The following RHOT2 variants were observed in gnomAD, a reference collection of about 807,000 sequenced individuals.
RHOT2 encodes the protein mitochondrial Rho GTPase 2.
Under a neutral mutation model 81.6 loss-of-function variants are expected in RHOT2, and 90 were observed. That is an observed-to-expected ratio of 1.10 (90% CI 0.93 to 1.31). The LOEUF is 1.31. RHOT2 is among the 40% of genes most tolerant of loss of function. The pLI is 0.00. For missense variants in RHOT2, 1,014 were observed against 841.9 expected, an observed-to-expected ratio of 1.20 and a Z score of -2.53; for synonymous variants, 512 against 370.9, an observed-to-expected ratio of 1.38 and a Z score of -4.37.
Position 671,798 on chromosome 16 carries a change from TC to T in RHOT2, c.954+21del. On this transcript the variant is annotated intron_variant, in intron 12 of 18. Coordinates refer to ENST00000315082, the MANE Select transcript of RHOT2 (RefSeq NM_138769.3). ...CACGACCAGGTGAGAGCATGGCGAG[TC>T]CCCTGCCCCTGCCCCCGCCCCCTCC... 6.4e-7 allele frequency: 1 copy of T among 1,562,412 alleles called. No homozygotes were observed. The highest frequency in any genetic ancestry group is 8.7e-7 in the Non-Finnish European group (1 of 1,148,316).
chr16:672,764 C>T lies in RHOT2; in HGVS notation c.1466C>T (p.Ala489Val), dbSNP rs1410833381. Reference sequence around the variant, plus strand: ...TCGCTGGACGCCACCTGTGACGTTGCCTGCTTGATGTTTGATGGCAGTGAC... The same window carrying T: ...TCGCTGGACGCCACCTGTGACGTTGTCTGCTTGATGTTTGATGGCAGTGAC... Reference protein sequence around the residue: ...ATSLDATCDVACLMFDGSDPK... With the variant: ...ATSLDATCDVVCLMFDGSDPK... Residue 489 changes from alanine (A) to valine (V), a missense_variant, in exon 17 of 19, where the codon GCC becomes GTC. Ala to Val is a moderately conservative substitution (Grantham distance 64). Transcript: ENST00000315082. The T allele has an allele frequency of 5.0e-6, 8 of 1,612,582 alleles. No homozygotes were observed. The highest frequency in any genetic ancestry group is 6.8e-6 in the Non-Finnish European group (8 of 1,179,994).
Position 671,220 on chromosome 16 carries a change from C to T in RHOT2, c.869+17C>T, listed in dbSNP as rs920833324. 1 of 1,531,556 alleles carries T rather than the reference C, an allele frequency of 6.5e-7. No individual in the cohort carries two copies. The highest frequency in any genetic ancestry group is 8.8e-7 in the Non-Finnish European group (1 of 1,138,388). 94.9% of individuals were successfully genotyped at this position (1,531,556 alleles called of 1,614,324 possible). On this transcript the variant is annotated intron_variant, in intron 11 of 18. Coordinates refer to ENST00000315082, the MANE Select transcript of RHOT2 (RefSeq NM_138769.3). The stretch of plus-strand genomic sequence containing the variant: ...CTCCCCTCTGTGAGTGATGCCGGGG[C>T]TTGAGGCCTGCCCTCCCCGAGGGTC...
At position 673,960 on chromosome 16, in the gene RHOT2, C is replaced by A. The variant is rs1055938825; in HGVS notation, c.*354C>A. 3 of 498,470 alleles carry A rather than the reference C, an allele frequency of 6.0e-6. No individual in the cohort carries two copies. Among genetic ancestry groups the A allele is most frequent in the South Asian group, 3.2e-5 (2 of 62,796 alleles). 30.9% of individuals were successfully genotyped at this position (498,470 alleles called of 1,614,324 possible). The stretch of plus-strand genomic sequence containing the variant: ...CCCAGAATTCTCAGGGCTCTACCCC[C>A]CTTTCCTGGTCCTAGGTGGCCAGTG... On this transcript the variant is annotated 3_prime_UTR_variant, in exon 19 of 19. Transcript: ENST00000315082.
chr16:671,673 A>G (rs2038957245), intron 11 of RHOT2, 24 bp from the exon 12 acceptor site: 1 of 1,606,256 alleles, frequency 6.2e-7, no homozygotes, highest in Non-Finnish European at 8.5e-7. Context: ...CCTGGGAGCT[A>G]GACGGGCTGT....
Position 670,413 on chromosome 16 carries a change from C to T in RHOT2, c.439-43C>T, listed in dbSNP as rs777183585. On this transcript the variant is annotated intron_variant, in intron 7 of 18. Transcript: ENST00000315082. ...TCATTCCTTGTGTTCTCAGTCGGTG[C>T]CCTCCTCGGGGCACTTCCCTGAGGC... 3.7e-6 allele frequency: 6 copies of T among 1,607,520 alleles called. No individual in the cohort carries two copies. In the African/African-American group the frequency reaches 5.3e-5, roughly 14 times the overall value.
At chr16:671,805 C>CCCCCGG in intron 12 of RHOT2, 24 bp downstream of exon 12, 1 of 1,267,792 alleles carries the variant, frequency 7.9e-7, no homozygotes, top group East Asian at 2.5e-5. Flanking sequence ...GAGTCCCCTG[C>CCCCCGG]CCCTGCCCCC....
chr16:672,882 C>T (rs1596527765), intron 17 of RHOT2, 46 bp from the exon 18 acceptor site: 1 of 1,612,476 alleles, frequency 6.2e-7, no homozygotes, highest in Non-Finnish European at 8.5e-7. Context: ...TCCAGCTGTG[C>T]CTCGGCCACC....
At position 673,473 on chromosome 16, in the gene RHOT2, C is replaced by A. The variant is rs756868760; in HGVS notation, c.1731-7C>A. The A allele has an allele frequency of 5.6e-6, 9 of 1,612,550 alleles. No homozygotes were observed. Among genetic ancestry groups the A allele is most frequent in the Non-Finnish European group, 7.6e-6 (9 of 1,179,932 alleles). ...AGGTATCTGCAGATGATTCTTCTCT[C>A]TTGCAGACATTTGGTCCACGCAGAG... On this transcript the variant is annotated splice_region_variant and splice_polypyrimidine_tract_variant and intron_variant, in intron 18 of 18. Coordinates refer to ENST00000315082, the MANE Select transcript of RHOT2 (RefSeq NM_138769.3).
rs1426118760 is a variant in RHOT2 at position 673,944 on chromosome 16, C to T, written c.*338C>T. 6 of 528,006 alleles carry T rather than the reference C, an allele frequency of 1.1e-5. No individual in the cohort carries two copies. The highest frequency in any genetic ancestry group is 6.2e-5 in the South Asian group (4 of 64,158). The allele number at this position is 528,006 out of a possible 1,614,324, so 32.7% of individuals were successfully genotyped here. A position where few individuals can be genotyped will look rare whatever the true frequency, so the allele number is the denominator to read the frequency against. On this transcript the variant is annotated 3_prime_UTR_variant, in exon 19 of 19. Transcript: ENST00000315082. ...AGCTGGTGACCCCAGACCCAGAATTCTCAGGGCTCTACCCCCCTTTCCTGG... is the reference window on the plus strand; with the variant it reads ...AGCTGGTGACCCCAGACCCAGAATTTTCAGGGCTCTACCCCCCTTTCCTGG...
chr16:669,849 C>T (rs1422276793), intron 5 of RHOT2: 1 of 617,878 alleles, frequency 1.6e-6, no homozygotes, highest in Non-Finnish European at 2.8e-6. Flanking sequence ...AGTTTCCAAA[C>T]CCCCGGGGGG....
intron 11 of RHOT2, 62 bp downstream of exon 11, chr16:671,265 T>C: frequency 6.6e-7 from 1 of 1,504,592 alleles, no homozygotes; most frequent in Admixed American, 2.2e-5. Context: ...CTGCCGACTA[T>C]CTCTCCCCTC....
At chr16:672,026 C>G (rs368117103) in intron 13 of RHOT2, 24 bp downstream of exon 13, 2 of 1,611,678 alleles carry the variant, frequency 1.2e-6, no homozygotes, top group Non-Finnish European at 1.7e-6. Context: ...ACACCATGCC[C>G]GCCTGCCGCA....
chr16:670,214 C>T lies in RHOT2; in HGVS notation c.330-35C>T, dbSNP rs1180348760. The T allele has an allele frequency of 1.9e-6, 3 of 1,611,338 alleles. No individual in the cohort carries two copies. The South Asian group carries it at 3.3e-5, about 18-fold the overall frequency. On this transcript the variant is annotated intron_variant, in intron 6 of 18. Transcript: ENST00000315082. ...GTGGAAGGGGCTGGGACCCCTGGCT[C>T]CCCTGCCCCTGGTGACCATGGGCCT...
rs770115677 is a variant in RHOT2, at chr16:672,703, C to T, written c.1405C>T (p.Leu469Phe). 1.2e-6 allele frequency: 2 copies of T among 1,612,134 alleles called. No individual in the cohort carries two copies. Among genetic ancestry groups the T allele is most frequent in the East Asian group, 2.2e-5 (1 of 44,900 alleles). ...TTCCTAAGGCCGCTGTCTGTCCCAG[C>T]TCTGTGAGGTGGGCACAGATGGTCT... ...QVNGQEKYLILCEVGTDGLLA... is the reference protein window; with the variant it reads ...QVNGQEKYLIFCEVGTDGLLA... Residue 469 changes from leucine to phenylalanine, a missense_variant and splice_region_variant, in exon 17 of 19, where the codon CTC (leucine) becomes TTC (phenylalanine). Coordinates refer to ENST00000315082, the MANE Select transcript of RHOT2 (RefSeq NM_138769.3).
rs377628340 is a variant in RHOT2, at chr16:671,775, C to T, written c.948C>T (p.His316=). 3.2e-5 allele frequency: 51 copies of T among 1,612,082 alleles called. No individual in the cohort carries two copies. Among genetic ancestry groups the T allele is most frequent in the Admixed American group, 6.7e-5 (4 of 59,976 alleles). Reference sequence around the variant, plus strand: ...TTGTGCAGAGAGTGTTTGAGAAGCACGACCAGGTGAGAGCATGGCGAGTCC... The same window carrying T: ...TTGTGCAGAGAGTGTTTGAGAAGCATGACCAGGTGAGAGCATGGCGAGTCC... The part of the protein sequence containing the change: ...YQFVQRVFEK[H]DQDRDGALSP... Residue 316 remains histidine (H), a synonymous_variant, in exon 12 of 19, where the codon CAC becomes CAT. Coordinates refer to ENST00000315082, the MANE Select transcript of RHOT2 (RefSeq NM_138769.3).
Position 670,779 on chromosome 16 carries a change from C to G in RHOT2, c.639+6C>G. 1.2e-6 allele frequency: 2 copies of G among 1,611,228 alleles called. No individual in the cohort carries two copies. The highest frequency in any genetic ancestry group is 1.7e-6 in the Non-Finnish European group (2 of 1,179,488). ...AAGAGCTCAACGCTTTCCAGGTGTG[C>G]CCCTGCCCCACCCTCGGTGCCCAGC... is the stretch of plus-strand genomic sequence containing the variant. On this transcript the variant is annotated splice_donor_region_variant and intron_variant, in intron 9 of 18. Transcript: ENST00000315082.
chr16:673,445 C>T (rs2039297090), intron 18 of RHOT2, 35 bp from the exon 19 acceptor site: 6 of 1,612,098 alleles, frequency 3.7e-6, no homozygotes, highest in African/African-American at 1.3e-5. Context: ...GGGCATGTGC[C>T]TGAGGTATCT....
At chr16:672,617 C>T (rs1446798169) in intron 16 of RHOT2, 51 bp downstream of exon 16, 1 of 1,610,108 alleles carries the variant, frequency 6.2e-7, no homozygotes, top group South Asian at 1.1e-5. Flanking sequence ...CCGGGGACAC[C>T]CAGGCCTGCC....
At chr16:669,861 G>A (rs575921630) in intron 5 of RHOT2, 96 of 614,410 alleles carry the variant, frequency 1.6e-4, no homozygotes, top group Non-Finnish European at 5.7e-5. Context: ...CCCGGGGGGG[G>A]ACCCGCAGAG....
Sources: gnomAD v4.1 joint callset for allele counts on GRCh38, gnomAD v4.1.1 for gene constraint, MANE v1.5 for transcripts, NCBI Gene and HGNC (gene_info 2026-07-23, HGNC 2026-07-21) for gene names.